Variants in LRRC19 observed in about 807,000 individuals in gnomAD.
LRRC19 encodes the protein leucine rich repeat containing 19.
A neutral mutation model predicts 33.3 loss-of-function variants in LRRC19; 33 were observed. That is an observed-to-expected ratio of 0.99 (90% CI 0.75 to 1.33). LRRC19 has a LOEUF of 1.33. Ranked by LOEUF, LRRC19 falls within the 40% of genes most tolerant of loss-of-function variation. LRRC19 has a pLI of 0.00. For synonymous variants in LRRC19, 184 were observed against 152.3 expected, an observed-to-expected ratio of 1.21 and a Z score of -1.53; for missense variants, 463 against 417.3, an observed-to-expected ratio of 1.11 and a Z score of -0.95.
chr9:26,995,661 T>G lies in LRRC19; in HGVS notation c.973A>C (p.Ser325Arg). The part of the protein sequence containing the change: ...TYEDGFTGNP[S>R]SLSQIPETNS... ...GTTTCTGGTATCTGTGAAAGAGAGC[T>G]TGGATTTCCAGTAAAACCATCTTCA... The change falls in exon 5 of 5, where the codon AGC (serine) becomes CGC (arginine). Residue 325 changes from serine to arginine, a missense_variant. Physicochemically the swap from Ser to Arg is moderately radical, Grantham distance 110 (BLOSUM62 -1). Coordinates refer to ENST00000380055, the MANE Select transcript of LRRC19 (RefSeq NM_022901.3). 1 of 1,613,924 alleles carries G rather than the reference T, an allele frequency of 6.2e-7. No homozygotes were observed. The highest frequency in any genetic ancestry group is 1.1e-5 in the South Asian group (1 of 91,080).
At chr9:27,001,846 C>T (rs527632673) in intron 1 of LRRC19, among the ~76,000 whole-genome samples, 1 of 152,008 alleles carries the variant, frequency 6.6e-6, no homozygotes, top group Non-Finnish European at 1.5e-5. Context: ...TACATTTTTG[C>T]TTTGGTTTCC....
Position 26,995,675 on chromosome 9 carries a change from A to G in LRRC19, c.959T>C (p.Phe320Ser), listed in dbSNP as rs942301150. Residue 320 changes from phenylalanine (F) to serine (S), a missense_variant, in exon 5 of 5, where the codon TTT (phenylalanine) becomes TCT (serine). By Grantham distance (155) the Phe-to-Ser change is radical. Transcript: ENST00000380055. ...EHEAETYEDG[F>S]TGNPSSLSQI... The stretch of plus-strand genomic sequence containing the variant: ...TGAAAGAGAGCTTGGATTTCCAGTA[A>G]AACCATCTTCATAGGTTTCTGCTTC... 12 of 1,613,910 alleles carry G rather than the reference A, an allele frequency of 7.4e-6. No homozygotes were observed. Among genetic ancestry groups the G allele is most frequent in the Non-Finnish European group, 1.0e-5 (12 of 1,179,890 alleles).
In LRRC19 at chr9:26,996,472, T is replaced by G. The variant is rs1486003332; in HGVS notation, c.623A>C (p.Tyr208Ser). ...LENENITMCS[Y>S]PNSLQSYNIK... ...ATTGTAGCTCTGCAGGCTGTTGGGG[T>G]AGCTACACATGGTGATGTTCTCATT... The change falls in exon 4 of 5, where the codon TAC (tyrosine) becomes TCC (serine). Residue 208 changes from tyrosine (Y) to serine (S), a missense_variant. By Grantham distance (144) the Tyr-to-Ser change is moderately radical. Transcript: ENST00000380055. 7 of 1,516,720 alleles carry G rather than the reference T, an allele frequency of 4.6e-6. No homozygotes were observed. The East Asian group carries it at 1.6e-4, about 36-fold the overall frequency. The allele number at this position is 1,516,720 out of a possible 1,614,324, so 94.0% of individuals were successfully genotyped here.
Position 26,995,628 on chromosome 9 carries a change from C to G in LRRC19, c.1006G>C (p.Glu336Gln), listed in dbSNP as rs746678203. 2.5e-6 allele frequency: 4 copies of G among 1,613,292 alleles called. No individual in the cohort carries two copies. Among genetic ancestry groups the G allele is most frequent in the Non-Finnish European group, 3.4e-6 (4 of 1,179,376 alleles). The change falls in exon 5 of 5, where the codon GAA becomes CAA. Residue 336 changes from glutamate to glutamine, a missense_variant. By Grantham distance (29) the Glu-to-Gln change is conservative. Transcript: ENST00000380055. Reference sequence around the variant, plus strand: ...TGTTCAAATATTACTGTAGTTTCTTCAGAGTTTGTTTCTGGTATCTGTGAA... The same window carrying G: ...TGTTCAAATATTACTGTAGTTTCTTGAGAGTTTGTTTCTGGTATCTGTGAA... ...SLSQIPETNS[E>Q]ETTVIFEQLH...
chr9:26,999,298 C>A (rs918372093), intron 2 of LRRC19, among the ~76,000 whole-genome samples: 6 of 152,084 alleles, frequency 3.9e-5, no homozygotes, highest in Admixed American at 6.6e-5. Context: ...AATTCAATAG[C>A]AGTTTCTCTC....
chr9:26,996,809 C>T (rs185997261), intron 3 of LRRC19, among the ~76,000 whole-genome samples: 3 of 152,210 alleles, frequency 2.0e-5, no homozygotes, highest in East Asian at 3.9e-4. Context: ...AGTTAAAATA[C>T]GTCACTTGTT....
chr9:27,002,035 A>C (rs987167599), intron 1 of LRRC19, among the ~76,000 whole-genome samples: 3 of 152,086 alleles, frequency 2.0e-5, no homozygotes, highest in African/African-American at 7.2e-5. Context: ...GGAAACTTAC[A>C]ATCATGGTGG....
chr9:26,998,066 G>C lies in LRRC19; in HGVS notation c.257C>G (p.Thr86Ser), dbSNP rs139454351. The C allele has an allele frequency of 1.2e-5, 19 of 1,613,042 alleles. No homozygotes were observed. The African/African-American group carries it at 2.4e-4, about 20-fold the overall frequency. Reference sequence around the variant, plus strand: ...ACCAAAACCGTTATTATGTAAGATAGTAACCTTGTTCTCAATCAAATAGAG... The same window carrying C: ...ACCAAAACCGTTATTATGTAAGATACTAACCTTGTTCTCAATCAAATAGAG... ...TELYLIENKV[T>S]ILHNNGFGNL... Residue 86 changes from threonine (T) to serine (S), a missense_variant, in exon 3 of 5, where the codon ACT becomes AGT. By Grantham distance (58) the Thr-to-Ser change is moderately conservative. Coordinates refer to ENST00000380055, the MANE Select transcript of LRRC19 (RefSeq NM_022901.3).
chr9:26,996,475 C>T lies in LRRC19; in HGVS notation c.620G>A (p.Ser207Asn), dbSNP rs1192428852. 2.0e-6 allele frequency: 3 copies of T among 1,506,018 alleles called. No homozygotes were observed. The highest frequency in any genetic ancestry group is 2.7e-6 in the Non-Finnish European group (3 of 1,116,864). 93.3% of individuals were successfully genotyped at this position (1,506,018 alleles called of 1,614,324 possible). The change falls in exon 4 of 5, where the codon AGC becomes AAC. Residue 207 changes from serine (S) to asparagine (N), a missense_variant. By Grantham distance (46) the Ser-to-Asn change is conservative. Transcript: ENST00000380055. ...GTAGCTCTGCAGGCTGTTGGGGTAG[C>T]TACACATGGTGATGTTCTCATTTTC... The part of the protein sequence containing the change: ...TLENENITMC[S>N]YPNSLQSYNI...
chr9:27,000,440 A>G (rs1828419568), intron 1 of LRRC19, among the ~76,000 whole-genome samples: 1 of 152,146 alleles, frequency 6.6e-6, no homozygotes, highest in Non-Finnish European at 1.5e-5. Flanking sequence ...ATTATTCTTG[A>G]CTTAAAACTG....
Position 26,996,307 on chromosome 9 carries a change from T to G in LRRC19, c.784+4A>C, listed in dbSNP as rs1413579159. On this transcript the variant is annotated splice_donor_region_variant and intron_variant, in intron 4 of 4. Coordinates refer to ENST00000380055, the MANE Select transcript of LRRC19 (RefSeq NM_022901.3). ...AGTGTTAATATATAGAACCAGTATATTACCTGAATTTCTTGTTAAGTTGTT... is the reference window on the plus strand; with the variant it reads ...AGTGTTAATATATAGAACCAGTATAGTACCTGAATTTCTTGTTAAGTTGTT... 2 of 1,553,950 alleles carry G rather than the reference T, an allele frequency of 1.3e-6. No individual in the cohort carries two copies. Among genetic ancestry groups the G allele is most frequent in the Admixed American group, 1.7e-5 (1 of 58,264 alleles).
rs558881489 is a variant in LRRC19, at chr9:26,996,565, G to A, written c.596-66C>T. The A allele has an allele frequency of 5.4e-6, 6 of 1,111,806 alleles. No individual in the cohort carries two copies. In the African/African-American group the frequency reaches 6.5e-5, roughly 12 times the overall value. The allele number at this position is 1,111,806 out of a possible 1,614,324, so 68.9% of individuals were successfully genotyped here. A position where few individuals can be genotyped will look rare whatever the true frequency, so the allele number is the denominator to read the frequency against. ...TAATAGTTAACAACATTTTATAATTGTTTTATCTAGAATTTTTGACATATT... is the reference window on the plus strand; with the variant it reads ...TAATAGTTAACAACATTTTATAATTATTTTATCTAGAATTTTTGACATATT... On this transcript the variant is annotated intron_variant, in intron 3 of 4. Transcript: ENST00000380055.
In LRRC19 at chr9:26,996,451, T is replaced by C. The variant is rs766481943; in HGVS notation, c.644A>G (p.Tyr215Cys). The C allele has an allele frequency of 1.9e-6, 3 of 1,564,702 alleles. No individual in the cohort carries two copies. Among genetic ancestry groups the C allele is most frequent in the African/African-American group, 2.7e-5 (2 of 74,072 alleles). Residue 215 changes from tyrosine (Y) to cysteine (C), a missense_variant, in exon 4 of 5, where the codon TAC becomes TGC. Tyr to Cys is a radical substitution (Grantham distance 194, BLOSUM62 -2). Coordinates refer to ENST00000380055, the MANE Select transcript of LRRC19 (RefSeq NM_022901.3). Reference sequence around the variant, plus strand: ...CTTATGAGGTACTGTTTTGATATTGTAGCTCTGCAGGCTGTTGGGGTAGCT... The same window carrying C: ...CTTATGAGGTACTGTTTTGATATTGCAGCTCTGCAGGCTGTTGGGGTAGCT... ...MCSYPNSLQS[Y>C]NIKTVPHKAE...
intron 1 of LRRC19, among the ~76,000 whole-genome samples, chr9:27,000,931 T>C (rs1347611619): frequency 6.6e-6 from 1 of 152,180 alleles, no homozygotes; most frequent in East Asian, 1.9e-4. Flanking sequence ...TTTGTATGCA[T>C]TAATAAACTT....
chr9:26,995,920 A>G (rs1322281904), intron 4 of LRRC19, 71 bp from the exon 5 acceptor site: 9 of 1,053,880 alleles, frequency 8.5e-6, no homozygotes, highest in Admixed American at 2.6e-5. Context: ...ATAATTATAT[A>G]TCCTAATTCT....
At chr9:26,996,070 G>A (rs1010933864) in intron 4 of LRRC19, among the ~76,000 whole-genome samples, 5 of 152,128 alleles carry the variant, frequency 3.3e-5, no homozygotes, top group African/African-American at 4.8e-5. Flanking sequence ...ATTTATACTC[G>A]TTAAGATTTG....
In LRRC19 at chr9:26,996,422, C is replaced by T. The variant is rs1236651361; in HGVS notation, c.673G>A (p.Glu225Lys). The T allele has an allele frequency of 6.2e-7, 1 of 1,608,908 alleles. No individual in the cohort carries two copies. Among genetic ancestry groups the T allele is most frequent in the Non-Finnish European group, 8.5e-7 (1 of 1,176,662 alleles). Residue 225 changes from glutamate to lysine, a missense_variant, in exon 4 of 5, where the codon GAA (glutamate) becomes AAA (lysine). Physicochemically the swap from Glu to Lys is moderately conservative, Grantham distance 56 (BLOSUM62 1). Coordinates refer to ENST00000380055, the MANE Select transcript of LRRC19 (RefSeq NM_022901.3). Reference protein sequence around the residue: ...YNIKTVPHKAECHSKFPSSVT... With the variant: ...YNIKTVPHKAKCHSKFPSSVT... ...GATGAAGGAAATTTTGAGTGGCATT[C>T]AGCCTTATGAGGTACTGTTTTGATA...
Position 26,998,255 on chromosome 9 carries a change from AAAAAG to A in LRRC19, c.82-19_82-15del. ...ACATTGGACTTCCTAGAAAAACAAAAAAAAGAAAGGCATTAATCAGAAAAAAAATT... is the reference window on the plus strand; with the variant it reads ...ACATTGGACTTCCTAGAAAAACAAAAAAAGGCATTAATCAGAAAAAAAATT... On this transcript the variant is annotated splice_polypyrimidine_tract_variant and intron_variant, in intron 2 of 4. Transcript: ENST00000380055. 1 of 1,379,138 alleles carries A rather than the reference AAAAAG, an allele frequency of 7.3e-7. No homozygotes were observed. The highest frequency in any genetic ancestry group is 1.6e-5 in the South Asian group (1 of 63,070). The allele number at this position is 1,379,138 out of a possible 1,614,324, so 85.4% of individuals were successfully genotyped here.
chr9:27,001,910 T>C (rs1228884146), intron 1 of LRRC19, among the ~76,000 whole-genome samples: 3 of 151,840 alleles, frequency 2.0e-5, no homozygotes, highest in African/African-American at 4.8e-5. Flanking sequence ...GCCAGTGTTC[T>C]AGAGCAATTC....
Sources: gnomAD v4.1 joint callset for allele counts (sites outside exome capture counted in the v4.1 genomes callset) on GRCh38, gnomAD v4.1.1 for gene constraint, MANE v1.5 for transcripts, NCBI Gene and HGNC (gene_info 2026-07-23, HGNC 2026-07-21) for gene names.